The following ANKRD11 variants were observed in gnomAD, a reference collection of about 807,000 sequenced individuals.
The protein encoded by ANKRD11 is ankyrin repeat domain 11.
Under a neutral mutation model 195.7 loss-of-function variants are expected in ANKRD11, and 17 were observed. The ratio of observed to expected loss-of-function variants is 0.09; its 90% CI spans 0.06 to 0.13. The LOEUF (loss-of-function observed/expected upper bound fraction) is 0.13. Among genes scored for constraint, ANKRD11 ranks in the 10% least tolerant of loss-of-function variants. The pLI, the probability that ANKRD11 is intolerant of heterozygous loss-of-function variation, is 1.00. For missense variants in ANKRD11, 3,735 were observed against 3,566.1 expected (o/e 1.05, Z -1.21); for synonymous variants, 1,953 against 1,528.1 (o/e 1.28, Z -6.49).
At chr16:89,369,092 A>G (rs1052568363) in intron 2 of ANKRD11, among the ~76,000 whole-genome samples, 2 of 152,078 alleles carry the variant, frequency 1.3e-5, no homozygotes, top group Non-Finnish European at 1.5e-5. Context: ...CAATGATCAC[A>G]TCACTACCAA....
intron 2 of ANKRD11, among the ~76,000 whole-genome samples, chr16:89,405,134 C>T (rs2086825): frequency 0.36 from 55,195 of 151,856 alleles, 11,363 homozygotes; most frequent in Middle Eastern, 0.53. Flanking sequence ...GGCGAGGTTG[C>T]GGTGAGTGGA....
At chr16:89,276,043 C>G (rs1393819885) in intron 9 of ANKRD11, among the ~76,000 whole-genome samples, 1 of 152,208 alleles carries the variant, frequency 6.6e-6, no homozygotes, top group Non-Finnish European at 1.5e-5. Flanking sequence ...TGGACCCACA[C>G]GGTAATGGCA....
At chr16:89,463,254 T>C (rs1180905241) in intron 1 of ANKRD11, among the ~76,000 whole-genome samples, 15 of 152,158 alleles carry the variant, frequency 9.9e-5, no homozygotes, top group Admixed American at 7.8e-4. Context: ...GGGGAAAAGA[T>C]TGAGAAATCG....
intron 1 of ANKRD11, among the ~76,000 whole-genome samples, chr16:89,436,982 T>C (rs2043241394): frequency 6.6e-6 from 1 of 152,252 alleles, no homozygotes; most frequent in Admixed American, 6.5e-5. Flanking sequence ...TAGTTTCCTT[T>C]AAACAAAAGA....
chr16:89,444,539 G>C (rs143896219), intron 1 of ANKRD11, among the ~76,000 whole-genome samples: 232 of 152,204 alleles, frequency 1.5e-3, no homozygotes, highest in African/African-American at 5.4e-3. Context: ...CCTGGACTTC[G>C]ATATCACCTG....
chr16:89,452,840 A>G (rs2044145532), intron 1 of ANKRD11, among the ~76,000 whole-genome samples: 3 of 150,982 alleles, frequency 2.0e-5, no homozygotes, highest in Admixed American at 2.0e-4. Context: ...AAGAGGTCCT[A>G]TTCCCCTCAC....
At position 89,291,327 on chromosome 16, in the gene ANKRD11, G is replaced by C; in HGVS notation, c.227-144C>G. 2 of 1,069,498 alleles carry C rather than the reference G, an allele frequency of 1.9e-6. No individual in the cohort carries two copies. The highest frequency in any genetic ancestry group is 1.4e-5 in the South Asian group (1 of 70,814). 66.3% of individuals were successfully genotyped at this position (1,069,498 alleles called of 1,614,324 possible). Reference sequence around the variant, plus strand: ...AAAGGAAGGTCTGTGTATGGGGAAAGCACAGCGGTGCTGGGAGCATTGGTG... The same window carrying C: ...AAAGGAAGGTCTGTGTATGGGGAAACCACAGCGGTGCTGGGAGCATTGGTG... On this transcript the variant is annotated intron_variant, in intron 4 of 12. Transcript: ENST00000301030. The surrounding 1 kb of genome is among the most constrained non-coding windows in gnomAD (Gnocchi z 5.3).
Position 89,285,585 on chromosome 16 carries a change from C to G in ANKRD11, c.957G>C (p.Thr319=), listed in dbSNP as rs561986666. The change falls in exon 9 of 13, where the codon ACG becomes ACC. Residue 319 remains threonine, a synonymous_variant. Coordinates refer to ENST00000301030, the MANE Select transcript of ANKRD11 (RefSeq NM_013275.6). This position sits in a 1 kb window ranked among gnomAD's most constrained non-coding sequence, Gnocchi z 5.6. ...APSSSVDGNN[T]DSEFEKGLKH... is the part of the protein sequence containing the mutation. ...TGAGGCCTTTTTCGAACTCGGAGTC[C>G]GTGTTGTTGCCGTCGACTGAACTGG... 4 of 1,614,120 alleles carry G rather than the reference C, an allele frequency of 2.5e-6. No individual in the cohort carries two copies. The African/African-American group carries it at 5.3e-5, about 22-fold the overall frequency.
At position 89,282,495 on chromosome 16, in the gene ANKRD11, C is replaced by T. The variant is rs1330513882; in HGVS notation, c.4047G>A (p.Arg1349=). The part of the protein sequence containing the change: ...CLPEKLKEKE[R]HRHSSSSSKK... ...TGGATGAAGATGAGGAGTGTCTGTG[C>T]CTCTCCTTCTCTTTCAGCTTCTCAG... Residue 1349 remains arginine (R), a synonymous_variant, in exon 9 of 13, where the codon AGG becomes AGA. Coordinates refer to ENST00000301030, the MANE Select transcript of ANKRD11 (RefSeq NM_013275.6). 9.3e-6 allele frequency: 15 copies of T among 1,614,082 alleles called. No homozygotes were observed. The highest frequency in any genetic ancestry group is 1.2e-5 in the Non-Finnish European group (14 of 1,180,022).
intron 2 of ANKRD11, among the ~76,000 whole-genome samples, chr16:89,376,141 G>C (rs1481445461): frequency 2.0e-5 from 3 of 152,180 alleles, no homozygotes; most frequent in Non-Finnish European, 4.4e-5. Context: ...TTCCCAAACA[G>C]CACGGATATA....
intron 1 of ANKRD11, among the ~76,000 whole-genome samples, chr16:89,443,968 G>T (rs1189145484): frequency 6.6e-6 from 1 of 152,196 alleles, no homozygotes; most frequent in East Asian, 1.9e-4. Flanking sequence ...AGACAAAGCG[G>T]CCTGTCAGGC....
chr16:89,325,771 G>A (rs1484167760), intron 2 of ANKRD11, among the ~76,000 whole-genome samples: 1 of 152,178 alleles, frequency 6.6e-6, no homozygotes, highest in African/African-American at 2.4e-5. Flanking sequence ...AGAGATAAAG[G>A]CCACACTATG....
At chr16:89,320,460 CGGCAA>C (rs2037239441) in intron 2 of ANKRD11, 1 of 152,382 alleles carries the variant, frequency 6.6e-6, no homozygotes, top group African/African-American at 2.4e-5. Context: ...CTGTGCTGAG[CGGCAA>C]GGCACAGCCG....
intron 1 of ANKRD11, among the ~76,000 whole-genome samples, chr16:89,437,973 T>A (rs908531814): frequency 1.3e-5 from 2 of 152,164 alleles, no homozygotes; most frequent in Non-Finnish European, 2.9e-5. Flanking sequence ...AATTCCTGGA[T>A]ACAAAATATA....
chr16:89,485,539 T>C (rs944501145), intron 1 of ANKRD11, among the ~76,000 whole-genome samples: 3 of 152,154 alleles, frequency 2.0e-5, no homozygotes, highest in African/African-American at 4.8e-5. Context: ...AGTATCTGAA[T>C]GTTTTCAACC....
chr16:89,314,286 C>CCA (rs140401310), intron 3 of ANKRD11, among the ~76,000 whole-genome samples: 8,187 of 152,158 alleles, frequency 0.054, 469 homozygotes, highest in East Asian at 0.29. Context: ...CAACAAAAAA[C>CCA]CACACATACA....
chr16:89,307,900 T>C (rs373540519), intron 3 of ANKRD11, among the ~76,000 whole-genome samples: 3 of 152,360 alleles, frequency 2.0e-5, no homozygotes, highest in African/African-American at 7.2e-5. Flanking sequence ...TCTCAGAACC[T>C]GATGAGGGAA....
chr16:89,388,705 T>C (rs1263726843), intron 2 of ANKRD11, among the ~76,000 whole-genome samples: 2 of 152,062 alleles, frequency 1.3e-5, no homozygotes, highest in Admixed American at 6.6e-5. Context: ...CAGGACGTCA[T>C]CCACACAAAG....
intron 2 of ANKRD11, among the ~76,000 whole-genome samples, chr16:89,386,402 C>G (rs529357294): frequency 1.3e-5 from 2 of 152,282 alleles, no homozygotes; most frequent in East Asian, 3.9e-4. Flanking sequence ...GCTGCCCCAC[C>G]CTTTACCCAA....
Sources: allele counts gnomAD v4.1 joint callset (sites outside exome capture counted in the v4.1 genomes callset), GRCh38; gene constraint gnomAD v4.1.1; non-coding constraint Gnocchi (gnomAD v3.1); transcripts MANE v1.5; gene names NCBI Gene and HGNC (gene_info 2026-07-23, HGNC 2026-07-21).